Variants in TRAF2 observed in about 807,000 individuals in gnomAD.
The protein encoded by TRAF2 is TNF receptor associated factor 2, also known as TNF receptor-associated factor 2.
TRAF2 carries 6 observed loss-of-function variants against 55.6 expected under a neutral mutation model. That is an observed-to-expected ratio of 0.11 (90% CI 0.06 to 0.21). TRAF2 has a LOEUF of 0.21. Ranked by LOEUF, TRAF2 falls within the 10% of genes least tolerant of loss-of-function variation. The pLI, the probability that TRAF2 is intolerant of heterozygous loss-of-function variation, is 1.00. For synonymous variants in TRAF2, 329 were observed against 276.3 expected (o/e 1.19, Z -1.89); for missense variants, 561 against 684.5 (o/e 0.82, Z 2.01).
At chr9:136,883,660 G>A (rs1411793358), upstream of TRAF2, among the ~76,000 whole-genome samples, 1 of 151,840 alleles carries the variant, frequency 6.6e-6, no homozygotes, top group Non-Finnish European at 1.5e-5. Flanking sequence ...GGGATTACAG[G>A]CATCTGCCAC....
At position 136,925,894 on chromosome 9, in the gene TRAF2, G is replaced by A. The variant is rs770058387; in HGVS notation, c.1499G>A (p.Gly500Glu). 7 of 1,614,130 alleles carry A rather than the reference G, an allele frequency of 4.3e-6. No homozygotes were observed. Among genetic ancestry groups the A allele is most frequent in the Non-Finnish European group, 5.9e-6 (7 of 1,180,040 alleles). ...ATCAAGGCCATTGTGGACCTGACAG[G>A]GCTCTAACTGCCCCCTACTGGTGTC... is the stretch of plus-strand genomic sequence containing the variant. The part of the protein sequence containing the change: ...IFIKAIVDLT[G>E]L Residue 500 changes from glycine to glutamate, a missense_variant, in exon 11 of 11, where the codon GGG becomes GAG. Around this residue, in one of 2 missense-constraint regions of TRAF2, gnomAD observed 135 missense variants for 207.7 expected, o/e 0.65. Coordinates refer to ENST00000247668, the MANE Select transcript of TRAF2 (RefSeq NM_021138.4).
intron 9 of TRAF2, 22 bp from the exon 10 acceptor site, chr9:136,923,830 G>A (rs746235746): frequency 7.5e-6 from 12 of 1,610,602 alleles, no homozygotes; most frequent in Non-Finnish European, 1.0e-5. Context: ...CAGCTCACCA[G>A]GCACCCCTCC....
intron 10 of TRAF2, among the ~76,000 whole-genome samples, chr9:136,924,249 AAAT>A (rs1850467267): frequency 6.6e-6 from 1 of 152,156 alleles, no homozygotes; most frequent in African/African-American, 2.4e-5. Context: ...AGATAAATAT[AAAT>A]ATGACTAAGA....
chr9:136,917,566 A>G (rs902953073), intron 7 of TRAF2, among the ~76,000 whole-genome samples: 13 of 152,154 alleles, frequency 8.5e-5, no homozygotes, highest in African/African-American at 3.1e-4. Flanking sequence ...TGCCTGATGG[A>G]TGGAGAGGGG....
At chr9:136,911,811 A>G (rs529360055) in intron 6 of TRAF2, among the ~76,000 whole-genome samples, 15 of 144,666 alleles carry the variant, frequency 1.0e-4, no homozygotes, top group Non-Finnish European at 1.5e-4. Flanking sequence ...AGGTGTTTCT[A>G]ATGTGTGTGG....
At chr9:136,904,942 G>A (rs759189783) in intron 4 of TRAF2, among the ~76,000 whole-genome samples, 10 of 152,216 alleles carry the variant, frequency 6.6e-5, no homozygotes, top group Admixed American at 1.3e-4. Flanking sequence ...GGCCAGTGCC[G>A]CTGGAGGTCT....
chr9:136,925,395 A>T (rs116123464), intron 10 of TRAF2, among the ~76,000 whole-genome samples: 439 of 152,354 alleles, frequency 2.9e-3, no homozygotes, highest in African/African-American at 9.6e-3. Flanking sequence ...CAAGTTCAGG[A>T]GTGGTAAGCT....
chr9:136,901,165 T>C (rs757923419), intron 4 of TRAF2, among the ~76,000 whole-genome samples: 1 of 152,160 alleles, frequency 6.6e-6, no homozygotes, highest in Non-Finnish European at 1.5e-5. Flanking sequence ...CACGTCACCT[T>C]TTAGGCATTT....
At chr9:136,912,320 C>T (rs1050430685) in intron 6 of TRAF2, among the ~76,000 whole-genome samples, 42 of 151,958 alleles carry the variant, frequency 2.8e-4, no homozygotes, top group African/African-American at 8.2e-4. Flanking sequence ...TGCCACTCCA[C>T]CTAGCTAATT....
intron 9 of TRAF2, among the ~76,000 whole-genome samples, chr9:136,922,973 C>T (rs562604594): frequency 7.3e-5 from 11 of 151,640 alleles, no homozygotes; most frequent in Admixed American, 1.3e-4. Context: ...CGGTGGAGGA[C>T]GAGGACGGAA....
intron 4 of TRAF2, among the ~76,000 whole-genome samples, chr9:136,907,576 C>G (rs1282517202): frequency 6.6e-6 from 1 of 152,254 alleles, no homozygotes; most frequent in Non-Finnish European, 1.5e-5. Flanking sequence ...CAGCTGCCCG[C>G]ATGCTATCTC....
chr9:136,889,123 A>G (rs1199849708), intron 1 of TRAF2, among the ~76,000 whole-genome samples: 1 of 151,782 alleles, frequency 6.6e-6, no homozygotes, highest in Non-Finnish European at 1.5e-5. Flanking sequence ...GGCCTCCCAG[A>G]GTGCTGGGAT....
intron 1 of TRAF2, among the ~76,000 whole-genome samples, chr9:136,897,189 C>T (rs1000319904): frequency 1.3e-5 from 2 of 152,006 alleles, no homozygotes; most frequent in Non-Finnish European, 2.9e-5. Flanking sequence ...GGAAGAGCTG[C>T]GGTTAATTCA....
chr9:136,907,448 C>T (rs1849981182), intron 4 of TRAF2, among the ~76,000 whole-genome samples: 1 of 152,244 alleles, frequency 6.6e-6, no homozygotes, highest in Non-Finnish European at 1.5e-5. Flanking sequence ...CTGTCTTCCT[C>T]GCAGCTTCGG....
At chr9:136,887,470 G>A (rs778702007) in intron 1 of TRAF2, among the ~76,000 whole-genome samples, 4 of 152,148 alleles carry the variant, frequency 2.6e-5, no homozygotes, top group Admixed American at 2.0e-4. Flanking sequence ...GAGGGTCAGT[G>A]CAGAAGAGCA....
intron 1 of TRAF2, chr9:136,890,416 C>A (rs1382882488): frequency 6.6e-6 from 1 of 152,268 alleles, no homozygotes; most frequent in Non-Finnish European, 1.5e-5. Flanking sequence ...GCAGCCCATG[C>A]CGTCCGGCCG....
intron 6 of TRAF2, among the ~76,000 whole-genome samples, chr9:136,911,322 T>C (rs1850101432): frequency 1.3e-5 from 2 of 149,948 alleles, no homozygotes; most frequent in African/African-American, 4.9e-5. Context: ...AGGAGTGCAA[T>C]GGTGTGATCT....
rs774990842 is a variant in TRAF2, at chr9:136,908,039, T to C, written c.367-31T>C. The stretch of plus-strand genomic sequence containing the variant: ...TGGCTGCCCAAATGTCCCACGCGAG[T>C]TCTACTGACGCTTCCTCCTTTCGTT... On this transcript the variant is annotated intron_variant, in intron 4 of 10. Coordinates refer to ENST00000247668, the MANE Select transcript of TRAF2 (RefSeq NM_021138.4). 3.2e-6 allele frequency: 5 copies of C among 1,579,224 alleles called. No individual in the cohort carries two copies. In the East Asian group the frequency reaches 1.1e-4, roughly 35 times the overall value.
intron 7 of TRAF2, among the ~76,000 whole-genome samples, chr9:136,918,478 T>G (rs965727507): frequency 6.6e-6 from 1 of 151,648 alleles, no homozygotes; most frequent in South Asian, 2.1e-4. Flanking sequence ...TTAGTAGAGA[T>G]GAGGTTTCAC....
Sources: allele counts gnomAD v4.1 joint callset (sites outside exome capture counted in the v4.1 genomes callset), GRCh38; gene constraint gnomAD v4.1.1; regional missense constraint gnomAD v4.1.1; transcripts MANE v1.5; gene names NCBI Gene and HGNC (gene_info 2026-07-23, HGNC 2026-07-21).